The following OXER1 variants were observed in gnomAD, a reference collection of about 807,000 sequenced individuals.
The protein encoded by OXER1 is oxoeicosanoid receptor 1.
For missense variants in OXER1, 587 were observed against 551.7 expected (o/e 1.06, Z -0.64); for synonymous variants, 258 against 245.8 (o/e 1.05, Z -0.47).
chr2:42,763,392 A>C lies in OXER1; in HGVS notation c.788T>G (p.Leu263Arg). Residue 263 changes from leucine to arginine, a missense_variant, in exon 1 of 1, where the codon CTG becomes CGG. Physicochemically the swap from Leu to Arg is moderately radical, Grantham distance 102 (BLOSUM62 -2). Coordinates refer to ENST00000378661, the Ensembl canonical transcript of OXER1. The surrounding 1 kb of genome is among the most constrained non-coding windows in gnomAD (Gnocchi z 4.4). ...AGCAAAGAGGATGAGCGCCAGTGGC[A>C]GGAAGAACTCCAGCAGGTACAGTGC... The C allele has an allele frequency of 6.2e-7, 1 of 1,601,392 alleles. No individual in the cohort carries two copies. Among genetic ancestry groups the C allele is most frequent in the Non-Finnish European group, 8.5e-7 (1 of 1,174,570 alleles).
At position 42,763,285 on chromosome 2, in the gene OXER1, T is replaced by C; in HGVS notation, c.895A>G (p.Met299Val). 6.2e-7 allele frequency: 1 copy of C among 1,613,132 alleles called. No individual in the cohort carries two copies. Among genetic ancestry groups the C allele is most frequent in the Non-Finnish European group, 8.5e-7 (1 of 1,179,790 alleles). The stretch of plus-strand genomic sequence containing the variant: ...CAGATGGTGTAGACGGCCACCACCA[T>C]GGCCAGCACACGCATGGCCCTCTGC... The change falls in exon 1 of 1, where the codon ATG becomes GTG. Residue 299 changes from methionine (M) to valine (V), a missense_variant. Transcript: ENST00000378661. The surrounding 1 kb of genome is among the most constrained non-coding windows in gnomAD (Gnocchi z 4.4).
Position 42,763,036 on chromosome 2 carries a change from C to A in OXER1, c.1144G>T (p.Asp382Tyr). Reference sequence around the variant, plus strand: ...CTGGAGGGTTGGTAGGAGCTCTCGTCGCTCACTGGGCCCTGCCGGCCCCGC... The same window carrying A: ...CTGGAGGGTTGGTAGGAGCTCTCGTAGCTCACTGGGCCCTGCCGGCCCCGC... The change falls in exon 1 of 1, where the codon GAC becomes TAC. Residue 382 changes from aspartate (D) to tyrosine (Y), a missense_variant. By Grantham distance (160) the Asp-to-Tyr change is radical. Transcript: ENST00000378661. The surrounding 1 kb of genome is among the most constrained non-coding windows in gnomAD (Gnocchi z 4.4). 6.2e-7 allele frequency: 1 copy of A among 1,614,070 alleles called. No homozygotes were observed. The highest frequency in any genetic ancestry group is 1.1e-5 in the South Asian group (1 of 91,086).
rs750126496 is a variant in OXER1, at chr2:42,763,691, A to G, written c.489T>C (p.Ala163=). The change falls in exon 1 of 1, where the codon GCT becomes GCC. Residue 163 remains alanine, a synonymous_variant. Coordinates refer to ENST00000378661, the Ensembl canonical transcript of OXER1. The surrounding 1 kb of genome is among the most constrained non-coding windows in gnomAD (Gnocchi z 4.4). ...GCATGAAGAGGTTGACTTTGCAGGC[A>G]GCAGCCCCAAAGCGCCAGGTCTCAT... The G allele has an allele frequency of 6.2e-7, 1 of 1,614,140 alleles. No homozygotes were observed. Among genetic ancestry groups the G allele is most frequent in the South Asian group, 1.1e-5 (1 of 91,076 alleles).
At chr2:42,762,808 C>G (rs1360375925) in exon 1 of OXER1, 4 of 1,375,656 alleles carry the variant, frequency 2.9e-6, no homozygotes, top group Non-Finnish European at 3.9e-6. Flanking sequence ...TGCCGCCATC[C>G]CTTGTCCAGT....
Position 42,763,985 on chromosome 2 carries a change from G to C in OXER1, c.195C>G (p.Pro65=), listed in dbSNP as rs564677536. Residue 65 remains proline, a synonymous_variant, in exon 1 of 1, where the codon CCC becomes CCG. Transcript: ENST00000378661. This position sits in a 1 kb window ranked among gnomAD's most constrained non-coding sequence, Gnocchi z 4.4. ...TGGTAAAGGCAGAGGGAGCAGAGGA[G>C]GGTGAGGGAGAGAAGGAGGGAGGGA... is the stretch of plus-strand genomic sequence containing the variant. The C allele has an allele frequency of 1.9e-6, 3 of 1,613,838 alleles. No individual in the cohort carries two copies. The highest frequency in any genetic ancestry group is 1.3e-5 in the African/African-American group (1 of 75,006).
chr2:42,764,018 G>A (rs1670564279), exon 1 of OXER1: 1 of 1,613,916 alleles, frequency 6.2e-7, no homozygotes, highest in Non-Finnish European at 8.5e-7. Flanking sequence ...GGAGAACAGA[G>A]GAGGAGAGAG....
At chr2:42,763,736 GCGGAGGGGCA>G in the OXER1 span, 4 of 1,614,146 alleles carry the variant, frequency 2.5e-6, no homozygotes, top group Non-Finnish European at 3.4e-6. This position sits in a 1 kb window ranked among gnomAD's most constrained non-coding sequence, Gnocchi z 4.4. Context: ...AGTAGTCCAC[GCGGAGGGGCA>G]GGTTGCTGAT....
chr2:42,762,626 G>GCT (rs1670493763), exon 1 of OXER1: 1 of 463,212 alleles, frequency 2.2e-6, no homozygotes, highest in East Asian at 3.6e-5. Flanking sequence ...CAGCTGCGCA[G>GCT]GCCCCTGTCT....
Position 42,763,730 on chromosome 2 carries a change from G to T in OXER1, c.450C>A (p.Asp150Glu). Residue 150 changes from aspartate (D) to glutamate (E), a missense_variant, in exon 1 of 1, where the codon GAC becomes GAA. Physicochemically the swap from Asp to Glu is conservative, Grantham distance 45. Coordinates refer to ENST00000378661, the Ensembl canonical transcript of OXER1. The surrounding 1 kb of genome is among the most constrained non-coding windows in gnomAD (Gnocchi z 4.4). ...GCCAGGTCTCATGGAGGAGGTAGTAGTCCACGCGGAGGGGCAGGTTGCTGA... is the reference window on the plus strand; with the variant it reads ...GCCAGGTCTCATGGAGGAGGTAGTATTCCACGCGGAGGGGCAGGTTGCTGA... The T allele has an allele frequency of 6.2e-7, 1 of 1,614,154 alleles. No individual in the cohort carries two copies. The highest frequency in any genetic ancestry group is 8.5e-7 in the Non-Finnish European group (1 of 1,180,034).
In OXER1 at chr2:42,763,101, G is replaced by C. The variant is rs752541591; in HGVS notation, c.1079C>G (p.Pro360Arg). 1 of 1,614,174 alleles carries C rather than the reference G, an allele frequency of 6.2e-7. No individual in the cohort carries two copies. Among genetic ancestry groups the C allele is most frequent in the Admixed American group, 1.7e-5 (1 of 60,034 alleles). ...GGCCCGGCTCTGGTGGAGGAAGTTG[G>C]GGCTAGAGAAGCAGTAGAGCACGGG... Residue 360 changes from proline to arginine, a missense_variant, in exon 1 of 1, where the codon CCC (proline) becomes CGC (arginine). Transcript: ENST00000378661. The surrounding 1 kb of genome is among the most constrained non-coding windows in gnomAD (Gnocchi z 4.4).
At chr2:42,762,818 T>G in exon 1 of OXER1, 1 of 1,409,854 alleles carries the variant, frequency 7.1e-7, no homozygotes, top group Non-Finnish European at 9.6e-7. Context: ...CCTTGTCCAG[T>G]TGGTTGAGGC....
rs1161378719 is a variant in OXER1 at position 42,763,288 on chromosome 2, C to T, written c.892G>A (p.Ala298Thr). Residue 298 changes from alanine to threonine, a missense_variant, in exon 1 of 1, where the codon GCC becomes ACC. Physicochemically the swap from Ala to Thr is moderately conservative, Grantham distance 58. Coordinates refer to ENST00000378661, the Ensembl canonical transcript of OXER1. The surrounding 1 kb of genome is among the most constrained non-coding windows in gnomAD (Gnocchi z 4.4). The stretch of plus-strand genomic sequence containing the variant: ...ATGGTGTAGACGGCCACCACCATGG[C>T]CAGCACACGCATGGCCCTCTGCGGG... The T allele has an allele frequency of 2.5e-6, 4 of 1,612,980 alleles. No individual in the cohort carries two copies. Among genetic ancestry groups the T allele is most frequent in the South Asian group, 2.2e-5 (2 of 90,948 alleles).
Position 42,763,051 on chromosome 2 carries a change from G to C in OXER1, c.1129C>G (p.Gln377Glu). 1 of 1,614,088 alleles carries C rather than the reference G, an allele frequency of 6.2e-7. No individual in the cohort carries two copies. The highest frequency in any genetic ancestry group is 8.5e-7 in the Non-Finnish European group (1 of 1,180,028). ...GAGCTCTCGTCGCTCACTGGGCCCT[G>C]CCGGCCCCGCGTGAGGCCCAGCAAG... Residue 377 changes from glutamine (Q) to glutamate (E), a missense_variant, in exon 1 of 1, where the codon CAG becomes GAG. By Grantham distance (29) the Gln-to-Glu change is conservative. Coordinates refer to ENST00000378661, the Ensembl canonical transcript of OXER1. This position sits in a 1 kb window ranked among gnomAD's most constrained non-coding sequence, Gnocchi z 4.4.
the OXER1 span, chr2:42,763,557 GC>G: frequency 6.4e-7 from 1 of 1,571,228 alleles, no homozygotes. The surrounding 1 kb of genome is among the most constrained non-coding windows in gnomAD (Gnocchi z 4.4). Flanking sequence ...CCGGGCAGCT[GC>G]CCCCACGGAA....
rs763970601 is a variant in OXER1 at position 42,763,945 on chromosome 2, A to G, written c.235T>C (p.Ser79Pro). ...GAGGTGGGGTGGCAGGGCCCTCCAG[A>G]GGACCCCCCCACAGTGGTAAAGGCA... Residue 79 changes from serine to proline, a missense_variant, in exon 1 of 1, where the codon TCT (serine) becomes CCT (proline). Ser to Pro is a moderately conservative substitution (Grantham distance 74, BLOSUM62 -1). Coordinates refer to ENST00000378661, the Ensembl canonical transcript of OXER1. This position sits in a 1 kb window ranked among gnomAD's most constrained non-coding sequence, Gnocchi z 4.4. 2 of 1,613,774 alleles carry G rather than the reference A, an allele frequency of 1.2e-6. No homozygotes were observed. The highest frequency in any genetic ancestry group is 1.7e-6 in the Non-Finnish European group (2 of 1,179,932).
chr2:42,762,720 C>G, exon 1 of OXER1: 1 of 631,456 alleles, frequency 1.6e-6, no homozygotes. Flanking sequence ...CCATCCTGGA[C>G]ACACTGAGAG....
the OXER1 span, chr2:42,763,719 A>AGGAG: frequency 3.1e-6 from 5 of 1,614,090 alleles, no homozygotes; most frequent in Non-Finnish European, 2.5e-6. The surrounding 1 kb of genome is among the most constrained non-coding windows in gnomAD (Gnocchi z 4.4). Flanking sequence ...GGTCTCATGG[A>AGGAG]GGAGGTAGTA....
Position 42,764,083 on chromosome 2 carries a change from C to A in OXER1, c.97G>T (p.Gly33Cys). Residue 33 changes from glycine (G) to cysteine (C), a missense_variant, in exon 1 of 1, where the codon GGC (glycine) becomes TGC (cysteine). Physicochemically the swap from Gly to Cys is radical, Grantham distance 159 (BLOSUM62 -3). It adds an upstream start codon to the 5' untranslated region. Transcript: ENST00000378661. ...TCCATGGGCTGCTTGGGCCATGGGC[C>A]TGAGAGAAGGTTCTGGAGTCTTCTA... The A allele has an allele frequency of 6.2e-7, 1 of 1,614,014 alleles. No homozygotes were observed. Among genetic ancestry groups the A allele is most frequent in the Non-Finnish European group, 8.5e-7 (1 of 1,179,958 alleles).
exon 1 of OXER1, chr2:42,764,060 C>T: frequency 6.2e-7 from 1 of 1,614,040 alleles, no homozygotes; most frequent in Non-Finnish European, 8.5e-7. Flanking sequence ...TATGAAGTTC[C>T]ATGGGCTGCT....
Sources: gnomAD v4.1 joint callset for allele counts on GRCh38, gnomAD v4.1.1 for gene constraint, Gnocchi (gnomAD v3.1) non-coding constraint, MANE v1.5 for transcripts, NCBI Gene and HGNC (gene_info 2026-07-23, HGNC 2026-07-21) for gene names.